Variants in TMEFF2 observed in about 807,000 individuals in gnomAD.
TMEFF2 encodes the protein transmembrane protein with EGF like and two follistatin like domains 2.
TMEFF2 carries 28 observed loss-of-function variants against 53.8 expected under a neutral mutation model. The ratio of observed to expected loss-of-function variants is 0.52; its 90% CI spans 0.39 to 0.71. The LOEUF (loss-of-function observed/expected upper bound fraction) is 0.71, where lower values mean the gene tolerates loss of function less well. Ranked by LOEUF, TMEFF2 falls within the 30% of genes least tolerant of loss-of-function variation. The probability of loss-of-function intolerance (pLI) is 0.00; values close to 1 mark genes in which losing one functional copy is unlikely to be tolerated. For synonymous variants in TMEFF2, 162 were observed against 166.3 expected (o/e 0.97, Z 0.20); for missense variants, 353 against 455.2 (o/e 0.78, Z 2.04).
At chr2:192,072,448 T>A (rs1469735645) in intron 4 of TMEFF2, among the ~76,000 whole-genome samples, 1 of 151,102 alleles carries the variant, frequency 6.6e-6, no homozygotes, top group East Asian at 1.9e-4. Flanking sequence ...AAGCAACACA[T>A]TTTTTTTCTA....
chr2:192,054,132 G>A (rs931181637), intron 5 of TMEFF2, among the ~76,000 whole-genome samples: 13 of 151,476 alleles, frequency 8.6e-5, no homozygotes, highest in Admixed American at 2.6e-4. Context: ...GGAGGTTCAG[G>A]CTTATTCTGC....
intron 4 of TMEFF2, among the ~76,000 whole-genome samples, chr2:192,075,984 G>A (rs965563173): frequency 6.6e-6 from 1 of 151,598 alleles, no homozygotes; most frequent in Admixed American, 6.6e-5. Flanking sequence ...AAAGAAGGAA[G>A]CAAAGAAGGA....
chr2:192,142,573 G>C (rs1690164074), intron 4 of TMEFF2, among the ~76,000 whole-genome samples: 1 of 152,054 alleles, frequency 6.6e-6, no homozygotes, highest in African/African-American at 2.4e-5. Context: ...TTATGGACTG[G>C]AATTATGAAT....
At chr2:192,074,818 G>A (rs144600681) in intron 4 of TMEFF2, among the ~76,000 whole-genome samples, 387 of 151,884 alleles carry the variant, frequency 2.5e-3, no homozygotes, top group Non-Finnish European at 4.6e-3. Context: ...TCCCAATTCA[G>A]GGCTTTTTAG....
intron 4 of TMEFF2, among the ~76,000 whole-genome samples, chr2:192,137,538 C>T (rs753499394): frequency 1.1e-4 from 16 of 151,842 alleles, no homozygotes; most frequent in Non-Finnish European, 2.2e-4. Context: ...TATTTTAGGT[C>T]GACTTACAGA....
At chr2:191,984,168 A>G (rs975119946) in intron 7 of TMEFF2, among the ~76,000 whole-genome samples, 3 of 152,128 alleles carry the variant, frequency 2.0e-5, no homozygotes, top group African/African-American at 7.2e-5. Flanking sequence ...AATCAAGTCC[A>G]GTGAAAAAAT....
At position 191,950,317 on chromosome 2, in the gene TMEFF2, T is replaced by G. The variant is rs756453035; in HGVS notation, c.1119A>C (p.Leu373Phe). 20 of 1,613,696 alleles carry G rather than the reference T, an allele frequency of 1.2e-5. No homozygotes were observed. In the South Asian group the frequency reaches 1.6e-4, roughly 13 times the overall value. Residue 373 changes from leucine (L) to phenylalanine (F), a missense_variant, in exon 10 of 10, where the codon TTA becomes TTC. By Grantham distance (22) the Leu-to-Phe change is conservative. This residue lies in a region of TMEFF2 where 294 missense variants were observed against 397.3 expected (regional missense o/e 0.74). Coordinates refer to ENST00000272771, the MANE Select transcript of TMEFF2 (RefSeq NM_016192.4). ...SDNTTRASTR[L>F]I ...ACTGTGAAACATGCTCCCTTTAGAT[T>G]AACCTCGTGGACGCTCTTGTTGTAT... is the stretch of plus-strand genomic sequence containing the variant.
chr2:192,111,724 C>G (rs951141253), intron 4 of TMEFF2, among the ~76,000 whole-genome samples: 1 of 152,182 alleles, frequency 6.6e-6, no homozygotes, highest in Non-Finnish European at 1.5e-5. Flanking sequence ...GTGGCAGCCC[C>G]TCTCATTGCA....
intron 4 of TMEFF2, among the ~76,000 whole-genome samples, chr2:192,084,744 G>C (rs970360714): frequency 1.3e-5 from 2 of 152,148 alleles, no homozygotes; most frequent in African/African-American, 4.8e-5. Flanking sequence ...TGATGCTTAT[G>C]TATTTTATGA....
chr2:192,029,726 C>T (rs1250231885), intron 5 of TMEFF2, among the ~76,000 whole-genome samples: 2 of 152,040 alleles, frequency 1.3e-5, no homozygotes, highest in African/African-American at 2.4e-5. Context: ...TTAGAAAATG[C>T]AATTGAGGCA....
intron 4 of TMEFF2, among the ~76,000 whole-genome samples, chr2:192,127,047 G>A (rs894764476): frequency 6.6e-6 from 1 of 152,170 alleles, no homozygotes; most frequent in Non-Finnish European, 1.5e-5. Context: ...TTAGACAGCT[G>A]TAACACTAAG....
chr2:192,055,632 G>A (rs189926984), intron 5 of TMEFF2, among the ~76,000 whole-genome samples: 20 of 151,702 alleles, frequency 1.3e-4, no homozygotes, highest in African/African-American at 3.9e-4. Flanking sequence ...AAAATTAGCC[G>A]GGCATGGTGG....
Position 192,183,441 on chromosome 2 carries a change from C to T in TMEFF2, c.412+913G>A, listed in dbSNP as rs114487144. Reference sequence around the variant, plus strand: ...TTTTGAATAAATAGACTTTTCATGACACTATTCTCTGCTTCTATTTTTAGA... The same window carrying T: ...TTTTGAATAAATAGACTTTTCATGATACTATTCTCTGCTTCTATTTTTAGA... On this transcript the variant is annotated intron_variant, in intron 3 of 9. Transcript: ENST00000272771. 7.1e-3 allele frequency among the ~76,000 whole-genome samples: 1,077 copies of T among 152,128 alleles called. 11 individuals are homozygous for T. The highest frequency in any genetic ancestry group is 0.025 in the African/African-American group (1,026 of 41,532).
rs527747513 is a variant in TMEFF2 at position 192,102,406 on chromosome 2, G to A, written c.440-44631C>T. On this transcript the variant is annotated intron_variant, in intron 4 of 9. Transcript: ENST00000272771. ...ACCATGGTTGTGTATAGGGTCCCAC[G>A]GGTGTGCCTCAACTCCAAGCCTATT... is the stretch of plus-strand genomic sequence containing the variant. 1.1e-4 allele frequency among the ~76,000 whole-genome samples: 16 copies of A among 151,874 alleles called. No individual in the cohort carries two copies. The South Asian group carries it at 2.7e-3, about 26-fold the overall frequency.
chr2:192,021,215 C>T (rs901866322), intron 5 of TMEFF2, among the ~76,000 whole-genome samples: 1 of 152,130 alleles, frequency 6.6e-6, no homozygotes, highest in African/African-American at 2.4e-5. Flanking sequence ...TTTTACCAGT[C>T]ACTTTCCTAG....
At chr2:192,080,262 GGA>G (rs1461711653) in intron 4 of TMEFF2, among the ~76,000 whole-genome samples, 1 of 152,144 alleles carries the variant, frequency 6.6e-6, no homozygotes, top group Non-Finnish European at 1.5e-5. Context: ...ACGTGTCAAG[GGA>G]GAGACCAGGT....
At chr2:192,037,694 T>C (rs574434857) in intron 5 of TMEFF2, among the ~76,000 whole-genome samples, 120 of 151,984 alleles carry the variant, frequency 7.9e-4, no homozygotes, top group South Asian at 1.2e-3. Context: ...TTGGCACTTA[T>C]CTGTTATAGC....
chr2:192,057,611 T>C (rs1687942800), intron 5 of TMEFF2, 68 bp downstream of exon 5: 1 of 1,290,734 alleles, frequency 7.7e-7, no homozygotes, highest in Admixed American at 1.7e-5. Context: ...TGCAGAATGG[T>C]TGATGGTGTT....
intron 4 of TMEFF2, among the ~76,000 whole-genome samples, chr2:192,071,673 C>G (rs562751764): frequency 6.6e-6 from 1 of 151,816 alleles, no homozygotes; most frequent in Non-Finnish European, 1.5e-5. Context: ...CTATGCACAT[C>G]CTCTCATCTA....
Sources: allele counts gnomAD v4.1 joint callset (sites outside exome capture counted in the v4.1 genomes callset), GRCh38; gene constraint gnomAD v4.1.1; regional missense constraint gnomAD v4.1.1; transcripts MANE v1.5; gene names NCBI Gene and HGNC (gene_info 2026-07-23, HGNC 2026-07-21).